The following SLC9A3 variants were observed in gnomAD, a reference collection of about 807,000 sequenced individuals.
SLC9A3 encodes sodium/hydrogen exchanger 3.
SLC9A3 carries 37 observed loss-of-function variants against 86.8 expected under a neutral mutation model. The observed-to-expected ratio is 0.43, with a 90% CI of 0.33 to 0.56. The LOEUF (loss-of-function observed/expected upper bound fraction) is 0.56, where lower values mean the gene tolerates loss of function less well. Ranked by LOEUF, SLC9A3 falls within the 20% of genes least tolerant of loss-of-function variation. SLC9A3 has a pLI of 0.06. For missense variants in SLC9A3, 1,011 were observed against 1,171.9 expected (o/e 0.86, Z 2.00); for synonymous variants, 581 against 528.3 (o/e 1.10, Z -1.37).
rs139319603 is a variant in SLC9A3 at position 484,531 on chromosome 5, C to T, written c.921G>A (p.Ser307=). The T allele has an allele frequency of 4.0e-5, 64 of 1,612,660 alleles. No individual in the cohort carries two copies. The East Asian group carries it at 4.9e-4, about 12-fold the overall frequency. The change falls in exon 5 of 17, where the codon TCG becomes TCA. Residue 307 remains serine, a synonymous_variant. Transcript: ENST00000264938. The part of the protein sequence containing the change: ...SYLTSEMLSL[S]AILAITFCGI... ...TGGGAGGGACTCACGCGAGGATGGCCGACAGCGACAGCATCTCGGACGTCA... is the reference window on the plus strand; with the variant it reads ...TGGGAGGGACTCACGCGAGGATGGCTGACAGCGACAGCATCTCGGACGTCA...
At chr5:482,411 A>G in intron 7 of SLC9A3, 137 bp downstream of exon 7, 1 of 768,992 alleles carries the variant, frequency 1.3e-6, no homozygotes, top group Admixed American at 2.5e-5. Context: ...GTGAAAACCT[A>G]CAAAACGGCT....
chr5:522,497 C>T (rs1733912592), intron 1 of SLC9A3, among the ~76,000 whole-genome samples: 1 of 152,114 alleles, frequency 6.6e-6, no homozygotes, highest in African/African-American at 2.4e-5. Flanking sequence ...CGGTGGCTCA[C>T]GCCTGTCATC....
chr5:518,900 G>A (rs941406249), intron 1 of SLC9A3, among the ~76,000 whole-genome samples: 3 of 152,110 alleles, frequency 2.0e-5, no homozygotes, highest in Admixed American at 6.5e-5. Flanking sequence ...AGCCTCTGGC[G>A]GAGCTGCCAG....
chr5:484,908 ATCCGGCCGTCTG>A (rs1739394128), intron 4 of SLC9A3, among the ~76,000 whole-genome samples: 1 of 152,176 alleles, frequency 6.6e-6, no homozygotes, highest in Non-Finnish European at 1.5e-5. Context: ...CCCAGGCCCT[ATCCGGCCGTCTG>A]TCTCAGGAAG....
At chr5:503,563 G>A (rs148765912) in intron 1 of SLC9A3, among the ~76,000 whole-genome samples, 203 of 152,332 alleles carry the variant, frequency 1.3e-3, no homozygotes, top group African/African-American at 4.5e-3. Context: ...GCTCTGGAAG[G>A]AAGGGAGAAT....
chr5:482,877 G>T, intron 6 of SLC9A3, 127 bp from the exon 7 acceptor site: 1 of 713,358 alleles, frequency 1.4e-6, no homozygotes, highest in South Asian at 1.9e-5. Context: ...CCTAGATACG[G>T]CGTCCCCACG....
At chr5:490,180 C>T (rs1739662706) in intron 2 of SLC9A3, among the ~76,000 whole-genome samples, 1 of 74,570 alleles carries the variant, frequency 1.3e-5, no homozygotes, top group South Asian at 3.4e-4. Flanking sequence ...ACCAGCTGGG[C>T]CCCAAGGCTG....
Position 524,327 on chromosome 5 carries a change from G to A in SLC9A3, c.-5C>T, listed in dbSNP as rs1314053575. On this transcript the variant is annotated 5_prime_UTR_variant, in exon 1 of 17. Coordinates refer to ENST00000264938, the MANE Select transcript of SLC9A3 (RefSeq NM_004174.4). ...CCGGGCCCCGAGTCCCCACATTGCC[G>A]CCTGCTCAGCGCAGGGCTGGGACGC... 8.1e-7 allele frequency: 1 copy of A among 1,231,694 alleles called. No homozygotes were observed. The highest frequency in any genetic ancestry group is 1.0e-6 in the Non-Finnish European group (1 of 975,462). The allele number at this position is 1,231,694 out of a possible 1,614,324, so 76.3% of individuals were successfully genotyped here.
In SLC9A3 at chr5:479,831, G is replaced by C. The variant is rs1458084707; in HGVS notation, c.1647+5C>G. On this transcript the variant is annotated splice_donor_5th_base_variant and intron_variant, in intron 10 of 16. Coordinates refer to ENST00000264938, the MANE Select transcript of SLC9A3 (RefSeq NM_004174.4). The stretch of plus-strand genomic sequence containing the variant: ...CCGACCCGGCAGAGCAAGCGGCTCT[G>C]CTACCTCAGCCACGTAGCTGATGGC... 6.2e-7 allele frequency: 1 copy of C among 1,612,888 alleles called. No individual in the cohort carries two copies. Among genetic ancestry groups the C allele is most frequent in the Non-Finnish European group, 8.5e-7 (1 of 1,179,886 alleles).
chr5:474,883 A>T lies in SLC9A3; in HGVS notation c.2501T>A (p.Met834Lys). The T allele has an allele frequency of 1.3e-6, 2 of 1,573,348 alleles. No homozygotes were observed. The highest frequency in any genetic ancestry group is 1.1e-5 in the South Asian group (1 of 88,328). ...PPAALPESTH[M>K] is the part of the protein sequence containing the mutation. ...GCGGCGGGAGGCCCGGGAGCGTTACATGTGTGTGGACTCGGGGAGGGCGGC... is the reference window on the plus strand; with the variant it reads ...GCGGCGGGAGGCCCGGGAGCGTTACTTGTGTGTGGACTCGGGGAGGGCGGC... Residue 834 changes from methionine to lysine, a missense_variant and splice_region_variant, in exon 16 of 17, where the codon ATG becomes AAG. Physicochemically the swap from Met to Lys is moderately conservative, Grantham distance 95. This residue lies in a region of SLC9A3 where 397 missense variants were observed against 346.3 expected (regional missense o/e 1.15). Coordinates refer to ENST00000264938, the MANE Select transcript of SLC9A3 (RefSeq NM_004174.4).
chr5:488,201 G>A, intron 3 of SLC9A3, 115 bp downstream of exon 3: 3 of 1,174,662 alleles, frequency 2.6e-6, no homozygotes, highest in Non-Finnish European at 3.7e-6. Flanking sequence ...CCCCCGGGAG[G>A]GGAGTTTGAG....
chr5:502,486 C>T lies in SLC9A3; in HGVS notation c.212-10415G>A, dbSNP rs369548998. Among the ~76,000 whole-genome samples, 22 of 152,330 alleles carry T rather than the reference C, an allele frequency of 1.4e-4. No homozygotes were observed. In the East Asian group the frequency reaches 4.1e-3, roughly 28 times the overall value. On this transcript the variant is annotated intron_variant, in intron 1 of 16. Coordinates refer to ENST00000264938, the MANE Select transcript of SLC9A3 (RefSeq NM_004174.4). ...ACCAGGGGCCGCAGCGGAGCACAGTCCCCGGCAAGACACCGGTCGCAACGT... is the reference window on the plus strand; with the variant it reads ...ACCAGGGGCCGCAGCGGAGCACAGTTCCCGGCAAGACACCGGTCGCAACGT...
chr5:513,150 G>T (rs1237415703), intron 1 of SLC9A3, among the ~76,000 whole-genome samples: 1 of 152,094 alleles, frequency 6.6e-6, no homozygotes, highest in Non-Finnish European at 1.5e-5. Flanking sequence ...GTGTGGGCTG[G>T]GACCACTGAG....
chr5:499,525 G>A (rs979293387), intron 1 of SLC9A3, among the ~76,000 whole-genome samples: 1 of 152,248 alleles, frequency 6.6e-6, no homozygotes, highest in Non-Finnish European at 1.5e-5. Context: ...CAATCTGCAC[G>A]TTTTTAGGAT....
chr5:480,820 C>T (rs1398898078), intron 9 of SLC9A3: 2 of 152,244 alleles, frequency 1.3e-5, no homozygotes, highest in African/African-American at 2.4e-5. Flanking sequence ...TGTATGTGCT[C>T]CTTACTGGGT....
intron 5 of SLC9A3, among the ~76,000 whole-genome samples, chr5:483,960 C>T (rs1739343648): frequency 1.3e-5 from 2 of 152,282 alleles, no homozygotes; most frequent in South Asian, 4.1e-4. Flanking sequence ...CCCTCCACTT[C>T]CTGTACTTCC....
intron 1 of SLC9A3, among the ~76,000 whole-genome samples, chr5:492,690 G>T (rs568614116): frequency 1.3e-5 from 2 of 151,948 alleles, no homozygotes; most frequent in African/African-American, 4.8e-5. Flanking sequence ...CCGCCCCACC[G>T]CCCGGCTGGT....
At chr5:482,956 TCACA>T (rs1295750032) in intron 6 of SLC9A3, among the ~76,000 whole-genome samples, 2 of 151,426 alleles carry the variant, frequency 1.3e-5, no homozygotes, top group Non-Finnish European at 3.0e-5. Flanking sequence ...GCTCCGTGCA[TCACA>T]CACACGGGTG....
chr5:472,939 G>T lies in SLC9A3; in HGVS notation c.*440C>A. The T allele has an allele frequency of 3.8e-6, 2 of 531,378 alleles. No homozygotes were observed. Among genetic ancestry groups the T allele is most frequent in the South Asian group, 2.1e-5 (1 of 46,906 alleles). 32.9% of individuals were successfully genotyped at this position (531,378 alleles called of 1,614,324 possible). A position where few individuals can be genotyped will look rare whatever the true frequency, so the allele number is the denominator to read the frequency against. On this transcript the variant is annotated 3_prime_UTR_variant, in exon 17 of 17. Coordinates refer to ENST00000264938, the MANE Select transcript of SLC9A3 (RefSeq NM_004174.4). The stretch of plus-strand genomic sequence containing the variant: ...AAGGGCGCGAGCGGCCAGCCATGGC[G>T]CGCGGACCCTTCCCGCCGGCGGCGT...
Sources: allele counts gnomAD v4.1 joint callset (sites outside exome capture counted in the v4.1 genomes callset), GRCh38; gene constraint gnomAD v4.1.1; regional missense constraint gnomAD v4.1.1; transcripts MANE v1.5; gene names NCBI Gene and HGNC (gene_info 2026-07-23, HGNC 2026-07-21).